GALNT13: variants seen among roughly 807,000 people sequenced by gnomAD.
GALNT13 encodes the protein UDP-GalNAc:polypeptide N-acetylgalactosaminyltransferase 13.
In GALNT13, 28 loss-of-function variants were observed where a neutral mutation model predicts 64.2. The ratio of observed to expected loss-of-function variants is 0.44; its 90% confidence interval spans 0.32 to 0.60. GALNT13 has a LOEUF of 0.60. Among genes scored for constraint, GALNT13 ranks in the 20% least tolerant of loss-of-function variants. The pLI, the probability that GALNT13 is intolerant of heterozygous loss-of-function variation, is 0.05. For synonymous variants in GALNT13, 214 were observed against 224.6 expected (o/e 0.95, Z 0.42); for missense variants, 577 against 669.8 (o/e 0.86, Z 1.53).
the GALNT13 span, among the ~76,000 whole-genome samples, chr2:153,804,910 G>T: frequency 6.6e-6 from 1 of 151,998 alleles, no homozygotes; most frequent in Non-Finnish European, 1.5e-5. Context: ...AGGAAACACT[G>T]TTAATAAGAA....
intron 3 of GALNT13, among the ~76,000 whole-genome samples, chr2:154,092,244 T>A (rs2105442158): frequency 6.6e-6 from 1 of 152,112 alleles, no homozygotes; most frequent in African/African-American, 2.4e-5. Context: ...GTTTGATAGA[T>A]CTCATGTATA....
the GALNT13 span, among the ~76,000 whole-genome samples, chr2:153,302,058 A>T: frequency 6.6e-6 from 1 of 152,154 alleles, no homozygotes; most frequent in Admixed American, 6.5e-5. Context: ...CTTTGGCTAT[A>T]TACTCAGTAA....
intron 4 of GALNT13, among the ~76,000 whole-genome samples, chr2:154,217,702 A>G (rs1688118142): frequency 6.6e-6 from 1 of 152,184 alleles, no homozygotes; most frequent in Non-Finnish European, 1.5e-5. Flanking sequence ...AGATTAAAAT[A>G]ATTTTCTTTT....
At chr2:153,925,500 T>TTG (rs1311634187) in intron 2 of GALNT13, among the ~76,000 whole-genome samples, 2 of 90,724 alleles carry the variant, frequency 2.2e-5, no homozygotes, top group Non-Finnish European at 3.8e-5. Context: ...GCCTCGAGCT[T>TTG]TTTTTTTTTT....
intron 4 of GALNT13, among the ~76,000 whole-genome samples, chr2:154,160,303 C>T (rs12995536): frequency 0.18 from 27,778 of 152,140 alleles, 3,332 homozygotes; most frequent in Non-Finnish European, 0.26. Flanking sequence ...ATGACTCCCA[C>T]CTGATTTCTT....
chr2:153,267,069 T>A, the GALNT13 span, among the ~76,000 whole-genome samples: 1 of 152,196 alleles, frequency 6.6e-6, no homozygotes, highest in African/African-American at 2.4e-5. Context: ...CCATGCAAGT[T>A]TGAAACCCAG....
At chr2:153,588,246 C>A in the GALNT13 span, among the ~76,000 whole-genome samples, 1 of 152,200 alleles carries the variant, frequency 6.6e-6, no homozygotes, top group Non-Finnish European at 1.5e-5. Flanking sequence ...TGGTGGCCTT[C>A]TTTTCACAGC....
intron 8 of GALNT13, chr2:154,287,154 C>T (rs983024724): frequency 6.1e-6 from 9 of 1,471,592 alleles, no homozygotes; most frequent in Middle Eastern, 2.4e-4. Flanking sequence ...TTCACAGAAG[C>T]GGTGGAAGCC....
chr2:153,349,263 ACT>A, the GALNT13 span, among the ~76,000 whole-genome samples: 2,239 of 152,092 alleles, frequency 0.015, 63 homozygotes, highest in African/African-American at 0.051. Flanking sequence ...TCTTTTGAAA[ACT>A]CTGAATAAAG....
At chr2:153,945,500 C>T (rs2105387665) in intron 3 of GALNT13, among the ~76,000 whole-genome samples, 1 of 152,168 alleles carries the variant, frequency 6.6e-6, no homozygotes, top group South Asian at 2.1e-4. Flanking sequence ...TGACAAAAAG[C>T]AAGCTTCAAT....
the GALNT13 span, among the ~76,000 whole-genome samples, chr2:153,672,379 G>T: frequency 6.6e-6 from 1 of 152,138 alleles, no homozygotes; most frequent in South Asian, 2.1e-4. Context: ...AATCAAATTA[G>T]AAATCAGCAT....
At chr2:154,052,679 A>T (rs961277497) in intron 3 of GALNT13, among the ~76,000 whole-genome samples, 1 of 151,390 alleles carries the variant, frequency 6.6e-6, no homozygotes, top group African/African-American at 2.4e-5. Flanking sequence ...TTGGTGTTCA[A>T]TATATGATTG....
chr2:153,669,334 C>G, the GALNT13 span, among the ~76,000 whole-genome samples: 1 of 152,122 alleles, frequency 6.6e-6, no homozygotes, highest in Admixed American at 6.5e-5. Context: ...GTGTGTGCAC[C>G]CCACCATGCC....
intron 3 of GALNT13, among the ~76,000 whole-genome samples, chr2:154,075,577 C>A (rs1352616950): frequency 6.6e-6 from 1 of 151,630 alleles, no homozygotes; most frequent in Admixed American, 6.6e-5. Context: ...ATTTTGTTAT[C>A]GTAAATGATG....
chr2:153,576,007 A>G, the GALNT13 span, among the ~76,000 whole-genome samples: 1 of 152,090 alleles, frequency 6.6e-6, no homozygotes, highest in East Asian at 1.9e-4. Context: ...AAGGCAGTGT[A>G]GGTGCCCTTC....
At chr2:153,093,249 T>G in the GALNT13 span, among the ~76,000 whole-genome samples, 1 of 149,084 alleles carries the variant, frequency 6.7e-6, no homozygotes, top group Non-Finnish European at 1.5e-5. Flanking sequence ...TTCTTTTTTT[T>G]TTTTGTGGAC....
At chr2:153,812,063 G>T in the GALNT13 span, among the ~76,000 whole-genome samples, 1 of 152,154 alleles carries the variant, frequency 6.6e-6, no homozygotes, top group Non-Finnish European at 1.5e-5. Context: ...AGGTTGTTTT[G>T]TGCCCTATCT....
intron 3 of GALNT13, among the ~76,000 whole-genome samples, chr2:154,022,657 C>G (rs1375180315): frequency 2.0e-5 from 3 of 152,228 alleles, no homozygotes; most frequent in African/African-American, 2.4e-5. Flanking sequence ...CTCCTGGATT[C>G]ATTAATTTTT....
chr2:153,990,103 C>G (rs1439079693), intron 3 of GALNT13, among the ~76,000 whole-genome samples: 2 of 152,122 alleles, frequency 1.3e-5, no homozygotes, highest in African/African-American at 4.8e-5. Context: ...TATTAGTATT[C>G]TTTCATTTAA....
Sources: allele counts gnomAD v4.1 joint callset (sites outside exome capture counted in the v4.1 genomes callset), GRCh38; gene constraint gnomAD v4.1.1; transcripts MANE v1.5; gene names NCBI Gene and HGNC (gene_info 2026-07-23, HGNC 2026-07-21).